Variants in INIP observed in about 807,000 individuals in gnomAD.
The protein encoded by INIP is INTS3 and NABP interacting protein, also known as SOSS complex subunit C.
INIP carries 9 observed loss-of-function variants against 14.0 expected under a neutral mutation model. The observed-to-expected ratio is 0.64, with a 90% CI of 0.39 to 1.12. The LOEUF (loss-of-function observed/expected upper bound fraction) is 1.12. Among genes scored for constraint, INIP ranks in the 50% most tolerant of loss-of-function variants. INIP has a pLI of 0.01. For synonymous variants in INIP, 37 were observed against 41.5 expected (o/e 0.89, Z 0.41); for missense variants, 78 against 122.7 (o/e 0.64, Z 1.72).
intron 2 of INIP, among the ~76,000 whole-genome samples, chr9:112,716,112 G>A (rs535842213): frequency 2.6e-5 from 4 of 151,972 alleles, no homozygotes; most frequent in South Asian, 2.1e-4. Context: ...TCACTCTGTC[G>A]CCCAGGCTGC....
rs1382534233 is a variant in INIP, at chr9:112,685,040, C to T, written c.*2498G>A. The T allele has an allele frequency of 4.6e-5, 7 of 152,174 alleles. No homozygotes were observed. The East Asian group carries it at 1.2e-3, about 25-fold the overall frequency. The allele number at this position is 152,174 out of a possible 1,614,324, so 9.4% of individuals were successfully genotyped here. ...TGAATACTTCTAAGCCTAGCCAGAC[C>T]GCACTGCGTTCCAGGATGCCTCTCT... On this transcript the variant is annotated 3_prime_UTR_variant, in exon 5 of 5. Coordinates refer to ENST00000374242, the MANE Select transcript of INIP (RefSeq NM_021218.3).
Position 112,708,100 on chromosome 9 carries a change from G to T in INIP, c.25+8361C>A, listed in dbSNP as rs541468297. Among the ~76,000 whole-genome samples, 55 of 152,306 alleles carry T rather than the reference G, an allele frequency of 3.6e-4. 1 individual carries two copies. In the South Asian group the frequency reaches 0.011, roughly 32 times the overall value. Reference sequence around the variant, plus strand: ...AGATCAATCAAATAATCACATGAATGAATGTGTAATTAAAATCTAACATGA... The same window carrying T: ...AGATCAATCAAATAATCACATGAATTAATGTGTAATTAAAATCTAACATGA... On this transcript the variant is annotated intron_variant, in intron 2 of 4. Transcript: ENST00000374242.
At position 112,691,877 on chromosome 9, in the gene INIP, G is replaced by A. The variant is rs1379773473; in HGVS notation, c.128+2254C>T. Among the ~76,000 whole-genome samples, 4 of 152,168 alleles carry A rather than the reference G, an allele frequency of 2.6e-5. No homozygotes were observed. In the East Asian group the frequency reaches 7.7e-4, roughly 29 times the overall value. On this transcript the variant is annotated intron_variant, in intron 3 of 4. Transcript: ENST00000374242. The stretch of plus-strand genomic sequence containing the variant: ...TTACAAAAGTTTGCTGGGTGTGGTG[G>A]GGTACGCCTGTAATCCCAGCTACTT...
chr9:112,700,449 C>T (rs1053278215), intron 2 of INIP, among the ~76,000 whole-genome samples: 17 of 151,150 alleles, frequency 1.1e-4, no homozygotes, highest in African/African-American at 3.9e-4. Context: ...AACCACTACC[C>T]AAGCAACTGA....
chr9:112,707,449 CTCAT>C (rs1838513220), intron 2 of INIP, among the ~76,000 whole-genome samples: 1 of 151,302 alleles, frequency 6.6e-6, no homozygotes, highest in African/African-American at 2.4e-5. Flanking sequence ...TTCTCATTTT[CTCAT>C]TCATTCATAG....
Position 112,687,507 on chromosome 9 carries a change from C to T in INIP, c.*31G>A, listed in dbSNP as rs757893139. 3.6e-6 allele frequency: 5 copies of T among 1,379,886 alleles called. No homozygotes were observed. The highest frequency in any genetic ancestry group is 2.3e-5 in the East Asian group (1 of 43,606). The allele number at this position is 1,379,886 out of a possible 1,614,324, so 85.5% of individuals were successfully genotyped here. On this transcript the variant is annotated 3_prime_UTR_variant, in exon 5 of 5. Coordinates refer to ENST00000374242, the MANE Select transcript of INIP (RefSeq NM_021218.3). ...ATAGTAGCTTTGGCATTTGATATTA[C>T]AAAGTCACTTTTCCATCGCAAATGT...
chr9:112,704,961 AT>A (rs1838410920), intron 2 of INIP, among the ~76,000 whole-genome samples: 1 of 151,964 alleles, frequency 6.6e-6, no homozygotes, highest in Admixed American at 6.6e-5. Context: ...AATAAGAAAA[AT>A]TAGCTGGATG....
At position 112,686,038 on chromosome 9, in the gene INIP, G is replaced by C. The variant is rs1837653183; in HGVS notation, c.*1500C>G. 1 of 152,084 alleles carries C rather than the reference G, an allele frequency of 6.6e-6. No homozygotes were observed. Among genetic ancestry groups the C allele is most frequent in the South Asian group, 2.1e-4 (1 of 4,826 alleles). 9.4% of individuals were successfully genotyped at this position (152,084 alleles called of 1,614,324 possible). A position where few individuals can be genotyped will look rare whatever the true frequency, so the allele number is the denominator to read the frequency against. On this transcript the variant is annotated 3_prime_UTR_variant, in exon 5 of 5. Transcript: ENST00000374242. ...AAGGGGGGAACAAACTCTCTGAAAA[G>C]AAAGTAGAACTTTCACTAAATATTG...
chr9:112,687,836 A>T (rs1192577763), intron 4 of INIP, among the ~76,000 whole-genome samples: 2 of 152,182 alleles, frequency 1.3e-5, no homozygotes, highest in Non-Finnish European at 2.9e-5. Context: ...TGGTAATCCC[A>T]GCACTTTGGG....
At chr9:112,707,249 T>TA (rs1838505453) in intron 2 of INIP, among the ~76,000 whole-genome samples, 1 of 151,812 alleles carries the variant, frequency 6.6e-6, no homozygotes, top group East Asian at 1.9e-4. Flanking sequence ...TCTTTTTTTT[T>TA]TTTTTTTTTT....
At chr9:112,696,312 A>C (rs561291891) in intron 2 of INIP, among the ~76,000 whole-genome samples, 52 of 152,178 alleles carry the variant, frequency 3.4e-4, no homozygotes, top group Non-Finnish European at 6.3e-4. Context: ...CCGGTGGAAG[A>C]AGCTCTGTGG....
At chr9:112,695,255 G>GAAAAAAAAAA (rs60657759) in intron 2 of INIP, among the ~76,000 whole-genome samples, 8 of 64,690 alleles carry the variant, frequency 1.2e-4, no homozygotes, top group Admixed American at 1.6e-4. Context: ...CAGAACTACA[G>GAAAAAAAAAA]AAAAAAAAAA....
rs988935541 is a variant in INIP, at chr9:112,684,435, C to T, written c.*3103G>A. ...GGGCATGGTGGCATGTGCCTGTAGT[C>T]TCAGCTACTTGGGAGGCTAAGGGTT... is the stretch of plus-strand genomic sequence containing the variant. On this transcript the variant is annotated 3_prime_UTR_variant, in exon 5 of 5. Transcript: ENST00000374242. 1 of 151,936 alleles carries T rather than the reference C, an allele frequency of 6.6e-6. No individual in the cohort carries two copies. The highest frequency in any genetic ancestry group is 1.5e-5 in the Non-Finnish European group (1 of 68,036). 9.4% of individuals were successfully genotyped at this position (151,936 alleles called of 1,614,324 possible).
chr9:112,698,015 T>C (rs538766008), intron 2 of INIP, among the ~76,000 whole-genome samples: 6 of 152,098 alleles, frequency 3.9e-5, no homozygotes, highest in Non-Finnish European at 8.8e-5. Context: ...AATGAAATGA[T>C]TAAAGTAGGC....
intron 3 of INIP, among the ~76,000 whole-genome samples, chr9:112,690,321 T>C (rs1207814573): frequency 1.3e-5 from 2 of 152,046 alleles, no homozygotes; most frequent in Admixed American, 1.3e-4. Flanking sequence ...TGAGACCCCA[T>C]CTCTACAAAA....
intron 2 of INIP, among the ~76,000 whole-genome samples, chr9:112,698,303 C>CAAAAAAAAAAAAAAAAAAAAAAAAAAA (rs755265359): frequency 2.3e-5 from 1 of 43,668 alleles, no homozygotes. Flanking sequence ...GACTCTGTCT[C>CAAAAAAAAAAAAAAAAAAAAAAAAAAA]AAAAAAAAAA....
chr9:112,697,790 G>T (rs547945753), intron 2 of INIP, among the ~76,000 whole-genome samples: 1 of 152,212 alleles, frequency 6.6e-6, no homozygotes, highest in Non-Finnish European at 1.5e-5. Context: ...AAAGTAAGAA[G>T]GTATTCTTCT....
intron 2 of INIP, among the ~76,000 whole-genome samples, chr9:112,706,306 A>G (rs1838466012): frequency 6.6e-6 from 1 of 152,178 alleles, no homozygotes; most frequent in Non-Finnish European, 1.5e-5. Context: ...TTCCTCAAAA[A>G]ACTAAAAATA....
In INIP at chr9:112,687,421, A is replaced by C. The variant is rs1837713164; in HGVS notation, c.*117T>G. ...ACTTACACATTCCTTTCTTTCAGACAAACAAAAAATATCAAAGTTCACCAA... is the reference window on the plus strand; with the variant it reads ...ACTTACACATTCCTTTCTTTCAGACCAACAAAAAATATCAAAGTTCACCAA... On this transcript the variant is annotated 3_prime_UTR_variant, in exon 5 of 5. Transcript: ENST00000374242. The C allele has an allele frequency of 1.6e-6, 1 of 638,024 alleles. No individual in the cohort carries two copies. The allele number at this position is 638,024 out of a possible 1,614,324, so 39.5% of individuals were successfully genotyped here. A position where few individuals can be genotyped will look rare whatever the true frequency, so the allele number is the denominator to read the frequency against.
Sources: allele counts gnomAD v4.1 joint callset (sites outside exome capture counted in the v4.1 genomes callset), GRCh38; gene constraint gnomAD v4.1.1; transcripts MANE v1.5; gene names NCBI Gene and HGNC (gene_info 2026-07-23, HGNC 2026-07-21).